DNAH2: variants seen among roughly 807,000 people sequenced by gnomAD.
DNAH2 encodes axonemal beta dynein heavy chain 2.
In DNAH2, 323 loss-of-function variants were observed where a neutral mutation model predicts 523.5. The ratio of observed to expected loss-of-function variants is 0.62; its 90% CI spans 0.56 to 0.68. The LOEUF (loss-of-function observed/expected upper bound fraction) is 0.68, where lower values mean the gene tolerates loss of function less well. Ranked by LOEUF, DNAH2 falls within the 30% of genes least tolerant of loss-of-function variation. The pLI is 0.00. For missense variants in DNAH2, 4,907 were observed against 5,701.5 expected (o/e 0.86, Z 4.49); for synonymous variants, 2,093 against 2,177.4 (o/e 0.96, Z 1.08).
chr17:7,779,028 A>G (rs963012721), intron 35 of DNAH2, among the ~76,000 whole-genome samples: 2 of 152,138 alleles, frequency 1.3e-5, no homozygotes, highest in African/African-American at 4.8e-5. Context: ...TCTCTTTCCA[A>G]CCCACACCTT....
At chr17:7,733,060 A>T (rs771839916) in intron 4 of DNAH2, 27 bp from the exon 5 acceptor site, 1 of 1,609,056 alleles carries the variant, frequency 6.2e-7, no homozygotes, top group Admixed American at 1.7e-5. Flanking sequence ...CTGGAGACTG[A>T]ACTCTGATCT....
At position 7,721,004 on chromosome 17, in the gene DNAH2, CTTTTTTT is replaced by C. The variant is rs71159523; in HGVS notation, c.166+1120_166+1126del. 2.7e-3 allele frequency among the ~76,000 whole-genome samples: 292 copies of C among 109,736 alleles called. 1 individual carries two copies. The highest frequency in any genetic ancestry group is 0.018 in the Middle Eastern group (3 of 164). The allele number at this position is 109,736 out of a possible 152,430, so 72.0% of individuals were successfully genotyped here. ...GCTCCAAGCTTTCTTTTCTTTCTTT[CTTTTTTT>C]TTTTTTTTTTTTTTTGAGACAAATT... On this transcript the variant is annotated intron_variant, in intron 2 of 85. Coordinates refer to ENST00000572933, the MANE Select transcript of DNAH2 (RefSeq NM_020877.5).
rs1230463395 is a variant in DNAH2 at position 7,823,536 on chromosome 17, A to G, written c.11237A>G (p.Asn3746Ser). Residue 3746 changes from asparagine (N) to serine (S), a missense_variant, in exon 74 of 86, where the codon AAC (asparagine) becomes AGC (serine). Coordinates refer to ENST00000572933, the MANE Select transcript of DNAH2 (RefSeq NM_020877.5). ...ATCACAGAGCTAGACAAACTGACCA[A>G]CTTCCACGGACTCATGAACTCCTTT... ...DNITELDKLTNFHGLMNSFEQ... is the reference protein window; with the variant it reads ...DNITELDKLTSFHGLMNSFEQ... 3 of 1,613,968 alleles carry G rather than the reference A, an allele frequency of 1.9e-6. No homozygotes were observed. The highest frequency in any genetic ancestry group is 2.7e-5 in the African/African-American group (2 of 74,894).
rs374671319 is a variant in DNAH2, at chr17:7,786,555, C to T, written c.6349-15C>T. The T allele has an allele frequency of 7.0e-5, 112 of 1,609,140 alleles. 1 individual carries two copies. In the East Asian group the frequency reaches 1.3e-3, roughly 19 times the overall value. On this transcript the variant is annotated splice_polypyrimidine_tract_variant and intron_variant, in intron 40 of 85. Coordinates refer to ENST00000572933, the MANE Select transcript of DNAH2 (RefSeq NM_020877.5). The surrounding 1 kb of genome is among the most constrained non-coding windows in gnomAD (Gnocchi z 7.5). ...GTCCATCAGCAGCTAAAACCCCTTCCGGTGTCATTTTCAGGAGTTCCCTTT... is the reference window on the plus strand; with the variant it reads ...GTCCATCAGCAGCTAAAACCCCTTCTGGTGTCATTTTCAGGAGTTCCCTTT...
chr17:7,732,134 T>A (rs943209369), intron 4 of DNAH2, among the ~76,000 whole-genome samples: 2 of 151,734 alleles, frequency 1.3e-5, no homozygotes, highest in South Asian at 4.2e-4. Context: ...ACTTTGTTTT[T>A]AAAATTAAAT....
chr17:7,797,114 A>G (rs2077087875), intron 50 of DNAH2, 62 bp from the exon 51 acceptor site: 1 of 1,489,654 alleles, frequency 6.7e-7, no homozygotes, highest in African/African-American at 1.4e-5. Flanking sequence ...AAAAAAAAAA[A>G]AAAAAAACTT....
At position 7,833,537 on chromosome 17, in the gene DNAH2, C is replaced by G; in HGVS notation, c.*4C>G. On this transcript the variant is annotated 3_prime_UTR_variant, in exon 86 of 86. Transcript: ENST00000572933. ...ACTCATGAGCCTGGACAGCTGAGAC[C>G]TCCTCCTCTTCTCCGCTTGAGAGAG... The G allele has an allele frequency of 6.2e-7, 1 of 1,613,362 alleles. No homozygotes were observed. Among genetic ancestry groups the G allele is most frequent in the Non-Finnish European group, 8.5e-7 (1 of 1,179,962 alleles).
rs781068094 is a variant in DNAH2, at chr17:7,797,406, C to T, written c.7956C>T (p.Phe2652=). The change falls in exon 52 of 86, where the codon TTC becomes TTT. Residue 2652 remains phenylalanine, a synonymous_variant. Transcript: ENST00000572933. ...CCCAGTTCCCTGCCCACAGAGTCTT[C>T]TCTGACCGGCTGGTTGATGCGGCAG... ...RLWIHECFRV[F]SDRLVDAADT... is the part of the protein sequence containing the mutation. 4.3e-6 allele frequency: 7 copies of T among 1,614,080 alleles called. No homozygotes were observed. The highest frequency in any genetic ancestry group is 5.1e-6 in the Non-Finnish European group (6 of 1,180,038).
At position 7,796,540 on chromosome 17, in the gene DNAH2, T is replaced by C. The variant is rs770715466; in HGVS notation, c.7751T>C (p.Ile2584Thr). The C allele has an allele frequency of 3.7e-6, 6 of 1,613,584 alleles. No homozygotes were observed. The highest frequency in any genetic ancestry group is 3.3e-5 in the South Asian group (3 of 91,024). Residue 2584 changes from isoleucine to threonine, a missense_variant, in exon 50 of 86, where the codon ATT (isoleucine) becomes ACT (threonine). Around this residue, in one of 3 missense-constraint regions of DNAH2, gnomAD observed 250 missense variants for 371.3 expected, o/e 0.67. Coordinates refer to ENST00000572933, the MANE Select transcript of DNAH2 (RefSeq NM_020877.5). ...GACTTTGAGGAAGAGGTGAAGCCCATTGGGAACGTGGTGACAGAGGCCACC... is the reference window on the plus strand; with the variant it reads ...GACTTTGAGGAAGAGGTGAAGCCCACTGGGAACGTGGTGACAGAGGCCACC... The part of the protein sequence containing the change: ...LQDFEEEVKP[I>T]GNVVTEATLD...
intron 44 of DNAH2, among the ~76,000 whole-genome samples, chr17:7,790,832 G>C (rs981475280): frequency 6.6e-6 from 1 of 151,844 alleles, no homozygotes; most frequent in Admixed American, 6.6e-5. Context: ...TCAGTCTCCT[G>C]AGTAGCTGAG....
At chr17:7,814,336 T>G (rs868577642) in intron 63 of DNAH2, among the ~76,000 whole-genome samples, 3 of 152,182 alleles carry the variant, frequency 2.0e-5, no homozygotes, top group Middle Eastern at 6.8e-3. Flanking sequence ...GGCTTGAGGA[T>G]TTCATGAGTT....
chr17:7,763,995 T>C lies in DNAH2; in HGVS notation c.3143T>C (p.Leu1048Pro). 1 of 1,614,192 alleles carries C rather than the reference T, an allele frequency of 6.2e-7. No homozygotes were observed. The highest frequency in any genetic ancestry group is 1.1e-5 in the South Asian group (1 of 91,090). Residue 1048 changes from leucine to proline, a missense_variant, in exon 19 of 86, where the codon CTG becomes CCG. Leu to Pro is a moderately conservative substitution (Grantham distance 98). Around this residue, in one of 3 missense-constraint regions of DNAH2, gnomAD observed 2,806 missense variants for 3,190.8 expected, o/e 0.88. Transcript: ENST00000572933. ...AGGGAGATGGCTGCTGGGCGCCTCC[T>C]GGAGCTGCACACCTACCTGAAGGAG... ...LLREMAAGRLLELHTYLKENA... is the reference protein window; with the variant it reads ...LLREMAAGRLPELHTYLKENA...
chr17:7,747,905 A>G (rs2075562007), intron 12 of DNAH2, among the ~76,000 whole-genome samples: 2 of 152,238 alleles, frequency 1.3e-5, no homozygotes, highest in African/African-American at 4.8e-5. Flanking sequence ...CAAGTCAGTT[A>G]CAGCTTCCAA....
chr17:7,819,498 G>A (rs968803632), intron 72 of DNAH2, 90 bp downstream of exon 72: 20 of 1,418,528 alleles, frequency 1.4e-5, no homozygotes, highest in Admixed American at 5.3e-5. Flanking sequence ...CCCGCACCGC[G>A]GCTCTCAGCC....
At chr17:7,721,206 C>G (rs566680079) in intron 2 of DNAH2, among the ~76,000 whole-genome samples, 1 of 151,966 alleles carries the variant, frequency 6.6e-6, no homozygotes, top group African/African-American at 2.4e-5. Context: ...CAGAGTCTCT[C>G]TCAGTTGCCA....
chr17:7,780,090 G>A lies in DNAH2; in HGVS notation c.5723-67G>A, dbSNP rs966218193. 2 of 1,563,712 alleles carry A rather than the reference G, an allele frequency of 1.3e-6. No homozygotes were observed. The highest frequency in any genetic ancestry group is 2.8e-5 in the African/African-American group (2 of 72,602). ...GGGAGAAAATGAGACTGATTGGAAA[G>A]TGGGTTTGGGGAAGCAAATCAAGAT... is the stretch of plus-strand genomic sequence containing the variant. On this transcript the variant is annotated intron_variant, in intron 36 of 85. Transcript: ENST00000572933. The surrounding 1 kb of genome is among the most constrained non-coding windows in gnomAD (Gnocchi z 4.4).
Position 7,775,234 on chromosome 17 carries a change from T to C in DNAH2, c.4720-7T>C, listed in dbSNP as rs1402427229. 6.2e-7 allele frequency: 1 copy of C among 1,611,230 alleles called. No homozygotes were observed. The highest frequency in any genetic ancestry group is 1.1e-5 in the South Asian group (1 of 90,444). ...GCCAGGCTCTGAGTAGCTTCTGCTTTCTGCAGGTTGGAGGGCCCAGCAGCA... is the reference window on the plus strand; with the variant it reads ...GCCAGGCTCTGAGTAGCTTCTGCTTCCTGCAGGTTGGAGGGCCCAGCAGCA... On this transcript the variant is annotated splice_region_variant and splice_polypyrimidine_tract_variant and intron_variant, in intron 29 of 85. Coordinates refer to ENST00000572933, the MANE Select transcript of DNAH2 (RefSeq NM_020877.5).
intron 35 of DNAH2, among the ~76,000 whole-genome samples, chr17:7,779,031 C>T (rs1442986050): frequency 3.3e-5 from 5 of 152,170 alleles, no homozygotes; most frequent in African/African-American, 1.2e-4. Flanking sequence ...CTTTCCAACC[C>T]ACACCTTTTC....
intron 48 of DNAH2, 107 bp downstream of exon 48, chr17:7,793,312 TC>T: frequency 8.5e-7 from 1 of 1,172,966 alleles, no homozygotes; most frequent in Non-Finnish European, 1.2e-6. Flanking sequence ...TTGGATTCCT[TC>T]CCACACAGGA....
Sources: allele counts gnomAD v4.1 joint callset (sites outside exome capture counted in the v4.1 genomes callset), GRCh38; gene constraint gnomAD v4.1.1; regional missense constraint gnomAD v4.1.1; non-coding constraint Gnocchi (gnomAD v3.1); transcripts MANE v1.5; gene names NCBI Gene and HGNC (gene_info 2026-07-23, HGNC 2026-07-21).